The following DDHD2 variants were observed in gnomAD, a reference collection of about 807,000 sequenced individuals.
DDHD2 encodes triacylglycerol hydrolase DDHD2.
DDHD2 carries 62 observed loss-of-function variants against 91.2 expected under a neutral mutation model. The ratio of observed to expected loss-of-function variants is 0.68; its 90% CI spans 0.55 to 0.84. DDHD2 has a LOEUF of 0.84. Ranked by LOEUF, DDHD2 falls within the 40% of genes least tolerant of loss-of-function variation. DDHD2 has a pLI of 0.00. For synonymous variants in DDHD2, 271 were observed against 293.9 expected (o/e 0.92, Z 0.80); for missense variants, 740 against 846.9 (o/e 0.87, Z 1.57).
Position 38,268,199 on chromosome 8 carries a change from G to A in DDHD2, n.88-2923G>A, listed in dbSNP as rs1808000955. 6.4e-6 allele frequency: 7 copies of A among 1,092,724 alleles called. No individual in the cohort carries two copies. In the East Asian group the frequency reaches 1.0e-4, roughly 16 times the overall value. 67.7% of individuals were successfully genotyped at this position (1,092,724 alleles called of 1,614,324 possible). On this transcript the variant is annotated intron_variant and non_coding_transcript_variant, in intron 1 of 1. Transcript: ENST00000526071. ...ATTTAGGCACAGGGCTGCCTGCCGT[G>A]TAGCCTGCGTAACCAAGTCCCTGCA...
chr8:38,272,720 G>C (rs1808512706), downstream of DDHD2: 1 of 152,148 alleles, frequency 6.6e-6, no homozygotes, highest in African/African-American at 2.4e-5. Context: ...TGTTGGACAA[G>C]AATAAAAACC....
chr8:38,249,534 C>A (rs1805939012), intron 10 of DDHD2, among the ~76,000 whole-genome samples, 174 bp from the exon 11 acceptor site: 1 of 133,838 alleles, frequency 7.5e-6, no homozygotes, highest in African/African-American at 2.8e-5. Flanking sequence ...ATTTTCTATT[C>A]TTTTTTAGGC....
downstream of DDHD2, chr8:38,267,280 A>G: frequency 1.2e-6 from 2 of 1,614,024 alleles, no homozygotes; most frequent in Non-Finnish European, 1.7e-6. Context: ...AAGAATGTCC[A>G]CTGGGGAAGC....
At chr8:38,235,698 G>A (rs115399424) in intron 3 of DDHD2, among the ~76,000 whole-genome samples, 1,651 of 147,226 alleles carry the variant, frequency 0.011, 33 homozygotes, top group African/African-American at 0.039. Context: ...TACAGCCTGG[G>A]CAACGAGCAA....
intron 16 of DDHD2, among the ~76,000 whole-genome samples, chr8:38,257,897 C>T (rs1806655065): frequency 6.6e-6 from 1 of 151,602 alleles, no homozygotes; most frequent in African/African-American, 2.4e-5. Context: ...CTCCTGACCT[C>T]AAGTGATCCC....
chr8:38,272,008 G>T (rs748869264), downstream of DDHD2: 5 of 152,196 alleles, frequency 3.3e-5, no homozygotes, highest in Non-Finnish European at 7.3e-5. Context: ...TGACCTATTG[G>T]AATACACCAT....
intron 10 of DDHD2, among the ~76,000 whole-genome samples, chr8:38,248,595 A>G (rs1805841101): frequency 6.6e-6 from 1 of 152,044 alleles, no homozygotes; most frequent in Non-Finnish European, 1.5e-5. Context: ...GGAAAAGTAC[A>G]CCGTGTTGTA....
Position 38,242,302 on chromosome 8 carries a change from A to T in DDHD2, c.765A>T (p.Lys255Asn). 6.2e-7 allele frequency: 1 copy of T among 1,605,134 alleles called. No individual in the cohort carries two copies. Among genetic ancestry groups the T allele is most frequent in the Non-Finnish European group, 8.5e-7 (1 of 1,177,784 alleles). Reference protein sequence around the residue: ...SLNLLQTHFKKAQENQQIGRV... With the variant: ...SLNLLQTHFKNAQENQQIGRV... ...ACTTGCTACAGACACATTTTAAGAA[A>T]GCCCAAGAAAATCAGCAGATTGGGA... The change falls in exon 7 of 18, where the codon AAA becomes AAT. Residue 255 changes from lysine to asparagine, a missense_variant. Physicochemically the swap from Lys to Asn is moderately conservative, Grantham distance 94. Coordinates refer to ENST00000397166, the MANE Select transcript of DDHD2 (RefSeq NM_015214.3).
chr8:38,249,036 T>G (rs1805892594), intron 10 of DDHD2, among the ~76,000 whole-genome samples: 1 of 152,126 alleles, frequency 6.6e-6, no homozygotes. Flanking sequence ...TCTCAGTGCT[T>G]GCGTTCATCA....
chr8:38,232,924 T>G lies in DDHD2; in HGVS notation c.-8-63T>G, dbSNP rs1482413070. The stretch of plus-strand genomic sequence containing the variant: ...TCCGTAAAATGATTAGTTTTGTGCG[T>G]GTGTGTGTGCGAACAGTTACACAGT... On this transcript the variant is annotated intron_variant, in intron 1 of 17. Coordinates refer to ENST00000397166, the MANE Select transcript of DDHD2 (RefSeq NM_015214.3). The G allele has an allele frequency of 4.6e-6, 5 of 1,077,368 alleles. No homozygotes were observed. In the African/African-American group the frequency reaches 7.9e-5, roughly 17 times the overall value. The allele number at this position is 1,077,368 out of a possible 1,614,324, so 66.7% of individuals were successfully genotyped here.
downstream of DDHD2, chr8:38,264,664 C>T (rs138361194): frequency 2.6e-4 from 391 of 1,492,336 alleles, 2 homozygotes; most frequent in African/African-American, 4.6e-3. Flanking sequence ...CTATTACATA[C>T]ACATAGCATA....
intron 5 of DDHD2, chr8:38,238,791 G>A: frequency 1.6e-6 from 1 of 644,860 alleles, no homozygotes; most frequent in Non-Finnish European, 1.9e-6. Context: ...ATGTTCAGTT[G>A]CCTGGATTCA....
intron 16 of DDHD2, among the ~76,000 whole-genome samples, chr8:38,257,191 C>G (rs1454617604): frequency 2.6e-5 from 4 of 151,260 alleles, no homozygotes; most frequent in Non-Finnish European, 4.4e-5. Flanking sequence ...ACTTGGCTTC[C>G]CAAAGTGCTG....
chr8:38,238,299 A>G lies in DDHD2; in HGVS notation c.622+90A>G, dbSNP rs778684972. The G allele has an allele frequency of 4.5e-6, 7 of 1,555,544 alleles. No individual in the cohort carries two copies. In the East Asian group the frequency reaches 1.2e-4, roughly 26 times the overall value. On this transcript the variant is annotated intron_variant, in intron 5 of 17. Coordinates refer to ENST00000397166, the MANE Select transcript of DDHD2 (RefSeq NM_015214.3). Reference sequence around the variant, plus strand: ...TTTTTCTGTGGATTTAGATTACCTCAAGGCTTAAAAATCATCTTTAATCAT... The same window carrying G: ...TTTTTCTGTGGATTTAGATTACCTCGAGGCTTAAAAATCATCTTTAATCAT...
intron 7 of DDHD2, among the ~76,000 whole-genome samples, chr8:38,244,370 C>T (rs754900695): frequency 6.6e-6 from 1 of 151,996 alleles, no homozygotes; most frequent in Non-Finnish European, 1.5e-5. Flanking sequence ...TCCAGCAATT[C>T]TCCTGCCTCA....
chr8:38,264,975 A>G, downstream of DDHD2: 1 of 1,546,478 alleles, frequency 6.5e-7, no homozygotes, highest in Non-Finnish European at 8.9e-7. Context: ...AAGTATTTTA[A>G]GAGTTGCTTC....
chr8:38,234,288 T>C, intron 2 of DDHD2, 106 bp from the exon 3 acceptor site: 1 of 817,376 alleles, frequency 1.2e-6, no homozygotes, highest in Non-Finnish European at 1.8e-6. Context: ...GTAGGAACTT[T>C]TCATTCATGT....
At chr8:38,242,462 T>C in intron 7 of DDHD2, 77 bp downstream of exon 7, 1 of 1,457,208 alleles carries the variant, frequency 6.9e-7, no homozygotes, top group African/African-American at 1.4e-5. Context: ...GGGACGTTTT[T>C]ATGCTATAGC....
chr8:38,238,309 A>G, intron 5 of DDHD2, 100 bp downstream of exon 5: 1 of 1,523,246 alleles, frequency 6.6e-7, no homozygotes, highest in Non-Finnish European at 8.8e-7. Context: ...AAGGCTTAAA[A>G]ATCATCTTTA....
Sources: gnomAD v4.1 joint callset for allele counts (sites outside exome capture counted in the v4.1 genomes callset) on GRCh38, gnomAD v4.1.1 for gene constraint, MANE v1.5 for transcripts, NCBI Gene and HGNC (gene_info 2026-07-23, HGNC 2026-07-21) for gene names.